The following MEIOSIN variants were observed in gnomAD, a reference collection of about 807,000 sequenced individuals.
MEIOSIN encodes meiosis initiator.
In MEIOSIN, 18 loss-of-function variants were observed where a neutral mutation model predicts 23.4. That is an observed-to-expected ratio of 0.77 (90% confidence interval 0.53 to 1.14). MEIOSIN has a LOEUF of 1.14. Ranked by LOEUF, MEIOSIN falls within the 50% of genes most tolerant of loss-of-function variation. The pLI, the probability that MEIOSIN is intolerant of heterozygous loss-of-function variation, is 0.00. For synonymous variants in MEIOSIN, 187 were observed against 100.6 expected (o/e 1.86, Z -5.14); for missense variants, 428 against 242.9 (o/e 1.76, Z -5.07).
At chr19:45,753,813 AC>A (rs1382771825) in intron 6 of MEIOSIN, 25 bp downstream of exon 6, 5 of 695,086 alleles carry the variant, frequency 7.2e-6, no homozygotes, top group Non-Finnish European at 1.3e-5. Context: ...TGGAGGCAGA[AC>A]TAGAAGCCCA....
At chr19:45,735,094 ATGT>A (rs2146170153) in intron 1 of MEIOSIN, among the ~76,000 whole-genome samples, 1 of 149,530 alleles carries the variant, frequency 6.7e-6, no homozygotes, top group South Asian at 2.1e-4. Context: ...GGGTTTCACC[ATGT>A]TGGCCAGGCT....
chr19:45,751,272 A>AAATAAT (rs145142679), intron 5 of MEIOSIN, among the ~76,000 whole-genome samples: 44,195 of 136,110 alleles, frequency 0.32, 7,431 homozygotes, highest in Admixed American at 0.37. Flanking sequence ...ACTGTGTCTC[A>AAATAAT]AATAATAATA....
At chr19:45,751,490 G>A (rs998597874) in intron 5 of MEIOSIN, among the ~76,000 whole-genome samples, 2 of 151,102 alleles carry the variant, frequency 1.3e-5, no homozygotes, top group South Asian at 2.1e-4. Context: ...TTCTGCCAGC[G>A]TATTTTATTT....
At chr19:45,743,136 G>A (rs900170193) in intron 3 of MEIOSIN, among the ~76,000 whole-genome samples, 17 of 152,150 alleles carry the variant, frequency 1.1e-4, no homozygotes, top group African/African-American at 4.1e-4. Flanking sequence ...CCAAGACATT[G>A]GGATTCCCAT....
At chr19:45,754,168 G>T (rs1460173794) in intron 6 of MEIOSIN, among the ~76,000 whole-genome samples, 1 of 152,144 alleles carries the variant, frequency 6.6e-6, no homozygotes, top group African/African-American at 2.4e-5. Flanking sequence ...GTAGAGACAG[G>T]GTTTCGCCAT....
chr19:45,748,234 C>A (rs987794038), intron 4 of MEIOSIN, among the ~76,000 whole-genome samples: 1 of 152,278 alleles, frequency 6.6e-6, no homozygotes, highest in Non-Finnish European at 1.5e-5. Context: ...CCCGCCACCA[C>A]GCCCGGCCAA....
chr19:45,749,860 T>C (rs917794882), intron 4 of MEIOSIN, among the ~76,000 whole-genome samples: 33 of 150,690 alleles, frequency 2.2e-4, no homozygotes, highest in Non-Finnish European at 4.1e-4. Context: ...AAACATTAGC[T>C]GGGCCTGGTG....
chr19:45,739,909 G>A (rs190900776), intron 3 of MEIOSIN, among the ~76,000 whole-genome samples, 179 bp downstream of exon 3: 5 of 151,844 alleles, frequency 3.3e-5, no homozygotes, highest in South Asian at 2.1e-4. Context: ...GTGCAGTGGC[G>A]CAATCTCGGC....
intron 8 of MEIOSIN, among the ~76,000 whole-genome samples, chr19:45,756,724 C>T (rs1968837973): frequency 6.6e-6 from 1 of 152,130 alleles, no homozygotes; most frequent in Non-Finnish European, 1.5e-5. Flanking sequence ...GCACCCGGCC[C>T]GGATATTTCA....
rs201469998 is a variant in MEIOSIN at position 45,735,441 on chromosome 19, G to A, written c.65G>A (p.Ser22Asn). The change falls in exon 2 of 15, where the codon AGT (serine) becomes AAT (asparagine). Residue 22 changes from serine (S) to asparagine (N), a missense_variant. Transcript: ENST00000457052. ...CCCAGAGCTAATTCACTGGGTCCCA[G>A]TGACAGGTAAGGGCTTGCCCCATCT... is the stretch of plus-strand genomic sequence containing the variant. ...EQPRANSLGPSDRTLVLCSLV... is the reference protein window; with the variant it reads ...EQPRANSLGPNDRTLVLCSLV... 4.1e-4 allele frequency: 286 copies of A among 702,548 alleles called. 2 individuals are homozygous for A. The highest frequency in any genetic ancestry group is 6.8e-4 in the Middle Eastern group (3 of 4,392). The allele number at this position is 702,548 out of a possible 1,614,324, so 43.5% of individuals were successfully genotyped here. A position where few individuals can be genotyped will look rare whatever the true frequency, so the allele number is the denominator to read the frequency against.
Position 45,759,468 on chromosome 19 carries a change from C to T in MEIOSIN, c.1223C>T (p.Thr408Met), listed in dbSNP as rs1432636137. 25 of 703,460 alleles carry T rather than the reference C, an allele frequency of 3.6e-5. No homozygotes were observed. In the East Asian group the frequency reaches 6.2e-4, roughly 17 times the overall value. The allele number at this position is 703,460 out of a possible 1,614,324, so 43.6% of individuals were successfully genotyped here. Residue 408 changes from threonine to methionine, a missense_variant, in exon 11 of 15, where the codon ACG (threonine) becomes ATG (methionine). Physicochemically the swap from Thr to Met is moderately conservative, Grantham distance 81. Coordinates refer to ENST00000457052, the MANE Select transcript of MEIOSIN (RefSeq NM_001310124.2). The stretch of plus-strand genomic sequence containing the variant: ...CTGGAGTCTTCACCTTCAGCCTACA[C>T]GCAGGAGGCTCCACAGGAAAAGGTA... ...LDLESSPSAY[T>M]QEAPQEKDTA...
intron 1 of MEIOSIN, 78 bp from the exon 2 acceptor site, chr19:45,735,299 A>G (rs1032195327): frequency 1.3e-5 from 9 of 690,908 alleles, no homozygotes; most frequent in Admixed American, 8.1e-5. Context: ...AGGGAAGATG[A>G]AGGGTGCCCA....
intron 3 of MEIOSIN, among the ~76,000 whole-genome samples, chr19:45,741,902 T>C (rs950488365): frequency 6.6e-6 from 1 of 152,108 alleles, no homozygotes; most frequent in African/African-American, 2.4e-5. Context: ...ACGGAGCTTT[T>C]GCTCTTGTTG....
chr19:45,748,403 TAG>T (rs1471559090), intron 4 of MEIOSIN, among the ~76,000 whole-genome samples: 3 of 152,124 alleles, frequency 2.0e-5, no homozygotes, highest in Non-Finnish European at 2.9e-5. Flanking sequence ...TTAAAAGAAA[TAG>T]AGTCAGATGT....
intron 4 of MEIOSIN, among the ~76,000 whole-genome samples, chr19:45,750,471 TG>T: frequency 6.6e-6 from 1 of 151,418 alleles, no homozygotes; most frequent in Non-Finnish European, 1.5e-5. Flanking sequence ...GCAATTCTCC[TG>T]CCTCAGCCTC....
chr19:45,734,458 G>A (rs763675847), intron 1 of MEIOSIN, among the ~76,000 whole-genome samples: 1 of 152,082 alleles, frequency 6.6e-6, no homozygotes, highest in African/African-American at 2.4e-5. Context: ...TTGAGGGTCT[G>A]GGGTATCTCA....
In MEIOSIN at chr19:45,759,012, G is replaced by T; in HGVS notation, c.1147G>T (p.Asp383Tyr). 1 of 703,104 alleles carries T rather than the reference G, an allele frequency of 1.4e-6. No individual in the cohort carries two copies. The allele number at this position is 703,104 out of a possible 1,614,324, so 43.6% of individuals were successfully genotyped here. ...GCTGCCAGACGAGATCTTGGAGGATGACATGGAGTACCTGACCCAAGGTGA... is the reference window on the plus strand; with the variant it reads ...GCTGCCAGACGAGATCTTGGAGGATTACATGGAGTACCTGACCCAAGGTGA... ...KLLPDEILEDDMEYLTQAAFF... is the reference protein window; with the variant it reads ...KLLPDEILEDYMEYLTQAAFF... Residue 383 changes from aspartate (D) to tyrosine (Y), a missense_variant, in exon 10 of 15, where the codon GAC (aspartate) becomes TAC (tyrosine). Transcript: ENST00000457052.
At chr19:45,756,194 C>A in intron 8 of MEIOSIN, 116 bp downstream of exon 8, 1 of 618,908 alleles carries the variant, frequency 1.6e-6, no homozygotes, top group Non-Finnish European at 2.9e-6. Context: ...CCTTGAGCAC[C>A]AATGGAGGCC....
rs184582011 is a variant in MEIOSIN, at chr19:45,762,458, C to A, written c.1679+275C>A. The stretch of plus-strand genomic sequence containing the variant: ...TGTTTTGTTTTTTGAGACAGAGTCT[C>A]ACTCTATTGCCCAGGCTGTAGTGCA... On this transcript the variant is annotated intron_variant, in intron 13 of 14. Transcript: ENST00000457052. Among the ~76,000 whole-genome samples the A allele has an allele frequency of 4.2e-3, 635 of 152,292 alleles. 9 individuals carry two copies. Among genetic ancestry groups the A allele is most frequent in the African/African-American group, 0.014 (576 of 41,552 alleles).
Sources: allele counts gnomAD v4.1 joint callset (sites outside exome capture counted in the v4.1 genomes callset), GRCh38; gene constraint gnomAD v4.1.1; transcripts MANE v1.5; gene names NCBI Gene and HGNC (gene_info 2026-07-23, HGNC 2026-07-21).